Variants in TMEM53 observed in about 807,000 individuals in gnomAD.
TMEM53 encodes the protein transmembrane protein 53.
A neutral mutation model predicts 21.4 loss-of-function variants in TMEM53; 14 were observed. That is an observed-to-expected ratio of 0.65 (90% CI 0.43 to 1.02). The LOEUF is 1.02. Ranked by LOEUF, TMEM53 falls within the 50% of genes least tolerant of loss-of-function variation. TMEM53 has a pLI of 0.00. For synonymous variants in TMEM53, 148 were observed against 157.4 expected (o/e 0.94, Z 0.45); for missense variants, 323 against 383.6 (o/e 0.84, Z 1.32).
intron 1 of TMEM53, chr1:44,673,911 T>A (rs1484190085): frequency 1.0e-6 from 1 of 985,212 alleles, no homozygotes; most frequent in Non-Finnish European, 1.2e-6. Context: ...CGAGGATCGG[T>A]GACCCCGCGA....
rs1440724517 is a variant in TMEM53 at position 44,674,334 on chromosome 1, G to T, written c.58C>A (p.Gln20Lys). ...GGACCCAACCCTCATTCCATACTCT[G>T]GCTCCAGCAGGGCTGATCCGGGATC... ...IEIPDQPCWS[Q>K]KNSPSPGGKE... Residue 20 changes from glutamine (Q) to lysine (K), a missense_variant, in exon 1 of 3, where the codon CAG (glutamine) becomes AAG (lysine). By Grantham distance (53) the Gln-to-Lys change is moderately conservative (BLOSUM62 1). Coordinates refer to ENST00000372237, the MANE Select transcript of TMEM53 (RefSeq NM_024587.4). The T allele has an allele frequency of 3.1e-6, 5 of 1,611,786 alleles. No homozygotes were observed. Among genetic ancestry groups the T allele is most frequent in the Non-Finnish European group, 4.2e-6 (5 of 1,178,934 alleles).
intron 1 of TMEM53, chr1:44,673,875 T>C: frequency 2.0e-6 from 2 of 985,388 alleles, no homozygotes; most frequent in Non-Finnish European, 2.4e-6. Flanking sequence ...GAGGGACGGC[T>C]AAGGGTTCTG....
At chr1:44,662,304 C>G (rs1029900885) in intron 1 of TMEM53, among the ~76,000 whole-genome samples, 4 of 152,364 alleles carry the variant, frequency 2.6e-5, no homozygotes, top group African/African-American at 9.6e-5. Context: ...CTGCTGACAC[C>G]TGCCAGCCCT....
At chr1:44,669,460 C>T (rs1644979754) in intron 1 of TMEM53, among the ~76,000 whole-genome samples, 2 of 152,184 alleles carry the variant, frequency 1.3e-5, no homozygotes, top group Non-Finnish European at 2.9e-5. Flanking sequence ...CTCCTAATGG[C>T]AACTGAAATC....
At position 44,654,988 on chromosome 1, in the gene TMEM53, C is replaced by T. The variant is rs1557490014; in HGVS notation, c.405G>A (p.Leu135=). The part of the protein sequence containing the change: ...ELLQTRRFCR[L]RVVGTIFDSA... ...TGTCAAAGATGGTGCCCACCACACG[C>T]AGGCGGCAGAAGCGACGGGTCTGCA... The change falls in exon 3 of 3, where the codon CTG becomes CTA. Residue 135 remains leucine (L), a synonymous_variant. Coordinates refer to ENST00000372237, the MANE Select transcript of TMEM53 (RefSeq NM_024587.4). The surrounding 1 kb of genome is among the most constrained non-coding windows in gnomAD (Gnocchi z 7.0). The T allele has an allele frequency of 6.2e-7, 1 of 1,613,944 alleles. No homozygotes were observed. Among genetic ancestry groups the T allele is most frequent in the East Asian group, 2.2e-5 (1 of 44,884 alleles).
At position 44,660,277 on chromosome 1, in the gene TMEM53, C is replaced by A; in HGVS notation, c.80G>T (p.Gly27Val). ...CTGCCGAGTTTCTGCCTCCTTCCCACCTGGGCTGGGGCTGTTCTCTGAAAC... is the reference window on the plus strand; with the variant it reads ...CTGCCGAGTTTCTGCCTCCTTCCCAACTGGGCTGGGGCTGTTCTCTGAAAC... The part of the protein sequence containing the change: ...CWSQKNSPSP[G>V]GKEAETRQPV... The change falls in exon 2 of 3, where the codon GGT becomes GTT. Residue 27 changes from glycine (G) to valine (V), a missense_variant. Coordinates refer to ENST00000372237, the MANE Select transcript of TMEM53 (RefSeq NM_024587.4). The A allele has an allele frequency of 6.2e-7, 1 of 1,613,872 alleles. No individual in the cohort carries two copies. Among genetic ancestry groups the A allele is most frequent in the Non-Finnish European group, 8.5e-7 (1 of 1,179,936 alleles).
chr1:44,660,451 C>T (rs965479093), intron 1 of TMEM53, among the ~76,000 whole-genome samples, 156 bp from the exon 2 acceptor site: 5 of 152,216 alleles, frequency 3.3e-5, no homozygotes, highest in South Asian at 2.1e-4. Context: ...GTTCCCACCC[C>T]GTGCTGCTCC....
rs1644833296 is a variant in TMEM53 at position 44,654,869 on chromosome 1, A to C, written c.524T>G (p.Val175Gly). 2 of 1,612,760 alleles carry C rather than the reference A, an allele frequency of 1.2e-6. No individual in the cohort carries two copies. Among genetic ancestry groups the C allele is most frequent in the Non-Finnish European group, 1.7e-6 (2 of 1,179,830 alleles). Residue 175 changes from valine (V) to glycine (G), a missense_variant, in exon 3 of 3, where the codon GTG becomes GGG. Transcript: ENST00000372237. The surrounding 1 kb of genome is among the most constrained non-coding windows in gnomAD (Gnocchi z 7.0). ...CAGGACGACCACCAGGGCAAAGGCC[A>C]CCAGCAGCAACAGGCGCAGCATGGC... is the stretch of plus-strand genomic sequence containing the variant. Reference protein sequence around the residue: ...RAAMLRLLLLVAFALVVVLFH... With the variant: ...RAAMLRLLLLGAFALVVVLFH...
rs1644819963 is a variant in TMEM53, at chr1:44,653,577, A to AGG, written c.*980_*981dup. The AGG allele has an allele frequency of 6.6e-6, 1 of 152,242 alleles. No homozygotes were observed. Among genetic ancestry groups the AGG allele is most frequent in the African/African-American group, 2.4e-5 (1 of 41,454 alleles). The allele number at this position is 152,242 out of a possible 1,614,324, so 9.4% of individuals were successfully genotyped here. A position where few individuals can be genotyped will look rare whatever the true frequency, so the allele number is the denominator to read the frequency against. On this transcript the variant is annotated 3_prime_UTR_variant, in exon 3 of 3. Transcript: ENST00000372237. ...CTTCCTAGCAAAGTGTGGTAGAGCC[A>AGG]GGCAGGCCCCTAACCTCAGCTCCTC...
chr1:44,655,083 T>C lies in TMEM53; in HGVS notation c.310A>G (p.Lys104Glu). 1.2e-6 allele frequency: 2 copies of C among 1,614,136 alleles called. No individual in the cohort carries two copies. The highest frequency in any genetic ancestry group is 1.7e-6 in the Non-Finnish European group (2 of 1,180,016). The change falls in exon 3 of 3, where the codon AAG (lysine) becomes GAG (glutamate). Residue 104 changes from lysine (K) to glutamate (E), a missense_variant. Physicochemically the swap from Lys to Glu is moderately conservative, Grantham distance 56 (BLOSUM62 1). Transcript: ENST00000372237. This position sits in a 1 kb window ranked among gnomAD's most constrained non-coding sequence, Gnocchi z 4.4. ...AAGACATGGAAGAGCAGGGGCTCCT[T>C]CTCAATCTCATAATCAAAGAGCAGC... ...LELLFDYEIE[K>E]EPLLFHVFSN...
chr1:44,660,194 T>C lies in TMEM53; in HGVS notation c.163A>G (p.Ser55Gly). 2.5e-6 allele frequency: 4 copies of C among 1,614,124 alleles called. No homozygotes were observed. The highest frequency in any genetic ancestry group is 3.4e-6 in the Non-Finnish European group (4 of 1,180,002). ...CTCACCCTTTTGTGGTAGATGGCAC[T>C]GTACTTGGCAAGGTTCTTGTCCTTG... ...GCKDKNLAKY[S>G]AIYHKRGCIV... The change falls in exon 2 of 3, where the codon AGT becomes GGT. Residue 55 changes from serine to glycine, a missense_variant. Ser to Gly is a moderately conservative substitution (Grantham distance 56, BLOSUM62 0). Around this residue, in one of 3 missense-constraint regions of TMEM53, gnomAD observed 269 missense variants for 334.5 expected, o/e 0.80. Transcript: ENST00000372237.
rs750633511 is a variant in TMEM53, at chr1:44,674,364, T to C, written c.28A>G (p.Ile10Val). The change falls in exon 1 of 3, where the codon ATC becomes GTC. Residue 10 changes from isoleucine (I) to valine (V), a missense_variant. By Grantham distance (29) the Ile-to-Val change is conservative. Coordinates refer to ENST00000372237, the MANE Select transcript of TMEM53 (RefSeq NM_024587.4). The part of the protein sequence containing the change: MASAELDYT[I>V]EIPDQPCWSQ... ...CAGCAGGGCTGATCCGGGATCTCGATGGTGTAGTCCAGCTCTGCCGAGGCC... is the reference window on the plus strand; with the variant it reads ...CAGCAGGGCTGATCCGGGATCTCGACGGTGTAGTCCAGCTCTGCCGAGGCC... 1 of 1,613,002 alleles carries C rather than the reference T, an allele frequency of 6.2e-7. No homozygotes were observed. The highest frequency in any genetic ancestry group is 8.5e-7 in the Non-Finnish European group (1 of 1,179,406).
At chr1:44,658,220 A>T (rs766061074) in intron 2 of TMEM53, among the ~76,000 whole-genome samples, 4 of 151,348 alleles carry the variant, frequency 2.6e-5, no homozygotes, top group Admixed American at 6.6e-5. Context: ...GTCCCTCTAC[A>T]CACTCCCTGG....
At chr1:44,668,497 C>T (rs1411131543) in intron 1 of TMEM53, among the ~76,000 whole-genome samples, 2 of 152,114 alleles carry the variant, frequency 1.3e-5, no homozygotes, top group Non-Finnish European at 2.9e-5. Flanking sequence ...TCTCTACTCC[C>T]CAGAAAAACT....
chr1:44,667,443 G>T (rs535886206), intron 1 of TMEM53, among the ~76,000 whole-genome samples: 16 of 151,738 alleles, frequency 1.1e-4, no homozygotes, highest in African/African-American at 3.4e-4. Flanking sequence ...TAGTTGCTGG[G>T]ATTACAGGCG....
chr1:44,654,757 C>T lies in TMEM53; in HGVS notation c.636G>A (p.Glu212=), dbSNP rs760132712. The T allele has an allele frequency of 6.2e-7, 1 of 1,614,000 alleles. No homozygotes were observed. The highest frequency in any genetic ancestry group is 8.5e-7 in the Non-Finnish European group (1 of 1,180,054). Residue 212 remains glutamate, a synonymous_variant, in exon 3 of 3, where the codon GAG becomes GAA. Coordinates refer to ENST00000372237, the MANE Select transcript of TMEM53 (RefSeq NM_024587.4). This position sits in a 1 kb window ranked among gnomAD's most constrained non-coding sequence, Gnocchi z 7.0. ...RLQDAGSRWP[E]LYLYSRADEV... is the part of the protein sequence containing the mutation. ...CGTCAGCCCTCGAGTAGAGGTAGAG[C>T]TCGGGCCAGCGAGAGCCCGCGTCCT... is the stretch of plus-strand genomic sequence containing the variant.
At chr1:44,663,982 G>A (rs1644924431) in intron 1 of TMEM53, among the ~76,000 whole-genome samples, 1 of 152,016 alleles carries the variant, frequency 6.6e-6, no homozygotes. Flanking sequence ...GCAACATGGC[G>A]AAACCTCATC....
chr1:44,663,586 A>G (rs937547767), intron 1 of TMEM53, among the ~76,000 whole-genome samples: 11 of 152,146 alleles, frequency 7.2e-5, no homozygotes, highest in African/African-American at 1.2e-4. Flanking sequence ...CATCAGGATC[A>G]TGATTCTTCC....
chr1:44,663,026 A>G (rs933312136), intron 1 of TMEM53, among the ~76,000 whole-genome samples: 2 of 152,170 alleles, frequency 1.3e-5, no homozygotes, highest in Admixed American at 6.6e-5. Flanking sequence ...CTACTCCCAT[A>G]GCCCAAGCTT....
Sources: allele counts gnomAD v4.1 joint callset (sites outside exome capture counted in the v4.1 genomes callset), GRCh38; gene constraint gnomAD v4.1.1; regional missense constraint gnomAD v4.1.1; non-coding constraint Gnocchi (gnomAD v3.1); transcripts MANE v1.5; gene names NCBI Gene and HGNC (gene_info 2026-07-23, HGNC 2026-07-21).